Variants in FAF1 observed in about 807,000 individuals in gnomAD.
The protein encoded by FAF1 is Fas associated factor 1, also known as FAS-associated factor 1.
In FAF1, 25 loss-of-function variants were observed where a neutral mutation model predicts 92.5. That is an observed-to-expected ratio of 0.27 (90% CI 0.20 to 0.38). The LOEUF (loss-of-function observed/expected upper bound fraction) is 0.38. Among genes scored for constraint, FAF1 ranks in the 10% least tolerant of loss-of-function variants. FAF1 has a pLI of 1.00. For synonymous variants in FAF1, 234 were observed against 273.2 expected (o/e 0.86, Z 1.42); for missense variants, 636 against 793.3 (o/e 0.80, Z 2.38).
At chr1:50,734,486 G>T (rs1659055703) in intron 6 of FAF1, among the ~76,000 whole-genome samples, 1 of 152,080 alleles carries the variant, frequency 6.6e-6, no homozygotes, top group African/African-American at 2.4e-5. Flanking sequence ...TGTAATCCCA[G>T]CACTTTGGGA....
At chr1:50,598,605 A>G (rs1020162034) in intron 8 of FAF1, among the ~76,000 whole-genome samples, 3 of 152,144 alleles carry the variant, frequency 2.0e-5, no homozygotes, top group Non-Finnish European at 4.4e-5. Flanking sequence ...GTGAATACTC[A>G]AAGTCCATTT....
chr1:50,925,080 A>G (rs772398212), intron 1 of FAF1, among the ~76,000 whole-genome samples: 1 of 152,218 alleles, frequency 6.6e-6, no homozygotes, highest in Non-Finnish European at 1.5e-5. Context: ...TAGCCAACTG[A>G]TACTCAGCAA....
intron 8 of FAF1, among the ~76,000 whole-genome samples, chr1:50,651,182 T>A (rs377425819): frequency 2.0e-5 from 3 of 152,324 alleles, no homozygotes; most frequent in East Asian, 3.9e-4. Flanking sequence ...TAATGAGAAG[T>A]ATACTGAACA....
intron 1 of FAF1, among the ~76,000 whole-genome samples, chr1:50,898,708 A>G (rs907051415): frequency 1.3e-5 from 2 of 152,202 alleles, no homozygotes; most frequent in African/African-American, 4.8e-5. Context: ...TTTGGCTTGC[A>G]TTATTATTGG....
chr1:50,804,565 T>C (rs945151803), intron 2 of FAF1, among the ~76,000 whole-genome samples: 5 of 152,150 alleles, frequency 3.3e-5, no homozygotes, highest in Non-Finnish European at 5.9e-5. Context: ...GGCCTAAGGT[T>C]ATTAGACATA....
chr1:50,462,978 A>T (rs1401088042), intron 18 of FAF1, among the ~76,000 whole-genome samples: 1 of 152,238 alleles, frequency 6.6e-6, no homozygotes, highest in African/African-American at 2.4e-5. Context: ...AGGCCTGCTT[A>T]CAAGGTTGGC....
intron 18 of FAF1, among the ~76,000 whole-genome samples, chr1:50,465,241 T>C (rs1432522945): frequency 1.3e-5 from 2 of 152,210 alleles, no homozygotes; most frequent in Non-Finnish European, 2.9e-5. Flanking sequence ...ATAAAAGGTT[T>C]TGGACATGAG....
At chr1:50,955,672 CAT>C (rs1645260774) in intron 1 of FAF1, among the ~76,000 whole-genome samples, 2 of 152,150 alleles carry the variant, frequency 1.3e-5, no homozygotes, top group African/African-American at 4.8e-5. Context: ...GAAGCTGGAA[CAT>C]ATATTTGAAC....
chr1:50,500,464 C>T lies in FAF1; in HGVS notation c.1495-8663G>A, dbSNP rs1019930217. Among the ~76,000 whole-genome samples the T allele has an allele frequency of 4.6e-5, 7 of 152,248 alleles. No individual in the cohort carries two copies. In the South Asian group the frequency reaches 1.4e-3, roughly 32 times the overall value. On this transcript the variant is annotated intron_variant, in intron 15 of 18. Coordinates refer to ENST00000396153, the MANE Select transcript of FAF1 (RefSeq NM_007051.3). ...TAGAACTACTGGATATCCATCTCTT[C>T]CTGACTCTGAAAAAAATAACTTCAA...
At chr1:50,948,729 T>C (rs1645191449) in intron 1 of FAF1, among the ~76,000 whole-genome samples, 2 of 152,132 alleles carry the variant, frequency 1.3e-5, no homozygotes, top group African/African-American at 4.8e-5. Context: ...TTTCACCATG[T>C]TGGCCAGGCT....
chr1:50,957,356 T>C (rs1645275459), intron 1 of FAF1, among the ~76,000 whole-genome samples: 3 of 105,384 alleles, frequency 2.8e-5, no homozygotes, highest in African/African-American at 1.1e-4. Context: ...TCTTTTTTTT[T>C]TTTTTTTTTT....
chr1:50,799,018 G>A (rs959590883), intron 3 of FAF1, among the ~76,000 whole-genome samples: 1 of 152,078 alleles, frequency 6.6e-6, no homozygotes, highest in African/African-American at 2.4e-5. Flanking sequence ...TACCATGTTG[G>A]CCAGGCTGGT....
chr1:50,862,861 C>T (rs185231779), intron 1 of FAF1, among the ~76,000 whole-genome samples: 4 of 151,990 alleles, frequency 2.6e-5, no homozygotes, highest in African/African-American at 7.2e-5. Context: ...AATATACATA[C>T]ACTAAACACT....
intron 6 of FAF1, among the ~76,000 whole-genome samples, chr1:50,720,241 C>T (rs528690894): frequency 6.6e-5 from 10 of 152,046 alleles, no homozygotes; most frequent in South Asian, 4.2e-4. Flanking sequence ...ACAGGTGATC[C>T]GCGTGCCTTG....
chr1:50,957,382 C>T (rs1295249288), intron 1 of FAF1, among the ~76,000 whole-genome samples: 6 of 124,542 alleles, frequency 4.8e-5, no homozygotes, highest in African/African-American at 9.5e-5. Flanking sequence ...GACAGAGTCT[C>T]GCTCTGTCGC....
intron 2 of FAF1, among the ~76,000 whole-genome samples, chr1:50,853,045 G>C (rs1466063783): frequency 1.3e-5 from 2 of 152,118 alleles, no homozygotes; most frequent in Admixed American, 1.3e-4. Flanking sequence ...CACTGATGAA[G>C]GGCAGTGCTC....
intron 9 of FAF1, among the ~76,000 whole-genome samples, chr1:50,586,735 C>T (rs889137897): frequency 6.6e-6 from 1 of 152,138 alleles, no homozygotes; most frequent in Non-Finnish European, 1.5e-5. Context: ...CATTTTAGAG[C>T]AGTGAAAGAG....
At chr1:50,461,492 CCTGTGTAAGTA>C (rs1429396162) in intron 18 of FAF1, 1 of 152,128 alleles carries the variant, frequency 6.6e-6, no homozygotes, top group Non-Finnish European at 1.5e-5. Flanking sequence ...TTGTGCTAGA[CCTGTGTAAGTA>C]CTGTGCCAGA....
intron 8 of FAF1, among the ~76,000 whole-genome samples, chr1:50,652,238 C>A (rs1243231618): frequency 6.6e-6 from 1 of 152,186 alleles, no homozygotes; most frequent in African/African-American, 2.4e-5. Context: ...ACAGTTTTAG[C>A]TGCTTTCCAT....
Sources: gnomAD v4.1 joint callset for allele counts (sites outside exome capture counted in the v4.1 genomes callset) on GRCh38, gnomAD v4.1.1 for gene constraint, MANE v1.5 for transcripts, NCBI Gene and HGNC (gene_info 2026-07-23, HGNC 2026-07-21) for gene names.